The following ADGRG7 variants were observed in gnomAD, a reference collection of about 807,000 sequenced individuals.
ADGRG7 encodes the protein adhesion G protein-coupled receptor G7.
ADGRG7 carries 82 observed loss-of-function variants against 88.6 expected under a neutral mutation model. The observed-to-expected ratio is 0.93, with a 90% CI of 0.77 to 1.11. The LOEUF is 1.11. Ranked by LOEUF, ADGRG7 falls within the 50% of genes most tolerant of loss-of-function variation. The pLI is 0.00. For synonymous variants in ADGRG7, 381 were observed against 345.2 expected, an observed-to-expected ratio of 1.10 and a Z score of -1.15; for missense variants, 945 against 953.4, an observed-to-expected ratio of 0.99 and a Z score of 0.12.
At chr3:100,690,440 C>A (rs192369805) in intron 15 of ADGRG7, among the ~76,000 whole-genome samples, 62 of 152,162 alleles carry the variant, frequency 4.1e-4, no homozygotes, top group Non-Finnish European at 4.4e-5. Flanking sequence ...GGAGGAGAGG[C>A]GCTCTGATCT....
Position 100,609,826 on chromosome 3 carries a change from C to T in ADGRG7, c.-31C>T, listed in dbSNP as rs1215248724. On this transcript the variant is annotated 5_prime_UTR_variant, in exon 1 of 16. Coordinates refer to ENST00000273352, the MANE Select transcript of ADGRG7 (RefSeq NM_032787.3). Reference sequence around the variant, plus strand: ...AAGAAAAGAAGCTAGTTATTTCTCACCCAGGAGTGGATTTGTGGTTTGGCT... The same window carrying T: ...AAGAAAAGAAGCTAGTTATTTCTCATCCAGGAGTGGATTTGTGGTTTGGCT... 6 of 1,511,920 alleles carry T rather than the reference C, an allele frequency of 4.0e-6. No individual in the cohort carries two copies. Among genetic ancestry groups the T allele is most frequent in the South Asian group, 2.2e-5 (2 of 88,994 alleles). 93.7% of individuals were successfully genotyped at this position (1,511,920 alleles called of 1,614,324 possible). A position where few individuals can be genotyped will look rare whatever the true frequency, so the allele number is the denominator to read the frequency against.
intron 15 of ADGRG7, among the ~76,000 whole-genome samples, chr3:100,691,865 TCTC>T (rs1409296597): frequency 1.3e-5 from 2 of 152,134 alleles, no homozygotes; most frequent in Admixed American, 6.6e-5. Flanking sequence ...ACTCTTCTCA[TCTC>T]CTCAACTAGA....
Position 100,633,265 on chromosome 3 carries a change from C to A in ADGRG7, c.335C>A (p.Ala112Glu). 1 of 1,416,802 alleles carries A rather than the reference C, an allele frequency of 7.1e-7. No individual in the cohort carries two copies. The highest frequency in any genetic ancestry group is 9.3e-7 in the Non-Finnish European group (1 of 1,078,136). The allele number at this position is 1,416,802 out of a possible 1,614,324, so 87.8% of individuals were successfully genotyped here. The change falls in exon 4 of 16, where the codon GCG becomes GAG. Residue 112 changes from alanine to glutamate, a missense_variant and splice_region_variant. Coordinates refer to ENST00000273352, the MANE Select transcript of ADGRG7 (RefSeq NM_032787.3). ...LQTCGKDTPN[A>E]GNPMAVRLCS... ...AATAAAAAATTTCTTTGTATTAAAG[C>A]GGGCAATCCAATGGCAGTCCGGTTG...
intron 15 of ADGRG7, among the ~76,000 whole-genome samples, chr3:100,675,495 T>A (rs1196155196): frequency 1.3e-5 from 2 of 152,180 alleles, no homozygotes; most frequent in Non-Finnish European, 2.9e-5. Flanking sequence ...ATTTGGTTTT[T>A]TAGAATTTTG....
intron 1 of ADGRG7, among the ~76,000 whole-genome samples, chr3:100,623,896 C>G (rs760171833): frequency 1.8e-4 from 28 of 152,184 alleles, no homozygotes; most frequent in Non-Finnish European, 3.5e-4. Flanking sequence ...CTTTTTATGG[C>G]TGCATAGTAT....
chr3:100,690,695 C>T (rs964282460), intron 15 of ADGRG7, among the ~76,000 whole-genome samples: 3 of 152,186 alleles, frequency 2.0e-5, no homozygotes, highest in Non-Finnish European at 2.9e-5. Context: ...TATTGGTGAA[C>T]CGCAAATGCT....
At chr3:100,653,717 C>T (rs2094933173) in intron 11 of ADGRG7, among the ~76,000 whole-genome samples, 1 of 152,128 alleles carries the variant, frequency 6.6e-6, no homozygotes, top group Non-Finnish European at 1.5e-5. Flanking sequence ...CCAGAGTCAT[C>T]TGGAGGTTCA....
At chr3:100,638,474 G>A (rs900387016) in intron 6 of ADGRG7, among the ~76,000 whole-genome samples, 1 of 152,162 alleles carries the variant, frequency 6.6e-6, no homozygotes, top group Non-Finnish European at 1.5e-5. Flanking sequence ...AGCTGAGTCT[G>A]GGGTCTTTTT....
intron 15 of ADGRG7, among the ~76,000 whole-genome samples, chr3:100,683,601 C>T (rs1227555289): frequency 1.3e-5 from 2 of 152,192 alleles, no homozygotes; most frequent in African/African-American, 2.4e-5. Flanking sequence ...CACCCCTCAC[C>T]GCTCCACACC....
chr3:100,658,360 C>G (rs1344973214), intron 13 of ADGRG7, among the ~76,000 whole-genome samples: 1 of 152,134 alleles, frequency 6.6e-6, no homozygotes, highest in Non-Finnish European at 1.5e-5. Flanking sequence ...TTGTACCAAC[C>G]TTATATTTCC....
At chr3:100,693,773 T>A (rs561170928) in intron 15 of ADGRG7, among the ~76,000 whole-genome samples, 1 of 152,352 alleles carries the variant, frequency 6.6e-6, no homozygotes, top group African/African-American at 2.4e-5. Flanking sequence ...ACAGCCATAG[T>A]ATACTGTCAA....
Position 100,659,668 on chromosome 3 carries a change from A to ATTTTTTTTTT in ADGRG7, c.1824-19_1824-10dup. ...ATACCTTTCTTAGTCTGCTGAAGCA[A>ATTTTTTTTTT]TTTTTTTTTTCCTCCACAGCTGCTG... On this transcript the variant is annotated intron_variant, in intron 13 of 15. Coordinates refer to ENST00000273352, the MANE Select transcript of ADGRG7 (RefSeq NM_032787.3). 2 of 1,514,438 alleles carry ATTTTTTTTTT rather than the reference A, an allele frequency of 1.3e-6. No homozygotes were observed. The highest frequency in any genetic ancestry group is 9.0e-7 in the Non-Finnish European group (1 of 1,110,142). 93.8% of individuals were successfully genotyped at this position (1,514,438 alleles called of 1,614,324 possible).
intron 11 of ADGRG7, among the ~76,000 whole-genome samples, chr3:100,650,898 C>T (rs1225312744): frequency 6.6e-6 from 1 of 152,134 alleles, no homozygotes; most frequent in Non-Finnish European, 1.5e-5. Context: ...TATTTGTTTG[C>T]TATACTCTTT....
intron 1 of ADGRG7, among the ~76,000 whole-genome samples, chr3:100,621,060 G>A (rs1263971125): frequency 1.3e-5 from 2 of 151,874 alleles, no homozygotes; most frequent in Non-Finnish European, 2.9e-5. Flanking sequence ...CGTGAACCAC[G>A]TCCATGTAAA....
intron 15 of ADGRG7, among the ~76,000 whole-genome samples, chr3:100,679,024 C>A (rs1440742063): frequency 6.6e-6 from 1 of 152,214 alleles, no homozygotes; most frequent in African/African-American, 2.4e-5. Context: ...TCTAGCCAGG[C>A]TTGTTTCCTT....
intron 13 of ADGRG7, among the ~76,000 whole-genome samples, chr3:100,658,058 T>C (rs1202229769): frequency 6.6e-6 from 1 of 152,180 alleles, no homozygotes; most frequent in Non-Finnish European, 1.5e-5. Flanking sequence ...ACACCTCCAC[T>C]TGACTGTTTA....
chr3:100,621,353 G>C (rs1707309011), intron 1 of ADGRG7, among the ~76,000 whole-genome samples: 1 of 152,190 alleles, frequency 6.6e-6, no homozygotes, highest in African/African-American at 2.4e-5. Flanking sequence ...CAAACAGTTA[G>C]CCAAATTGTG....
rs191979142 is a variant in ADGRG7 at position 100,618,612 on chromosome 3, T to G, written c.115+8641T>G. On this transcript the variant is annotated intron_variant, in intron 1 of 15. Transcript: ENST00000273352. Reference sequence around the variant, plus strand: ...GGTACCAGTACCATGCTGTTTTGGTTACTGTAGCCTTGTAGTATAGTTTGA... The same window carrying G: ...GGTACCAGTACCATGCTGTTTTGGTGACTGTAGCCTTGTAGTATAGTTTGA... 1.2e-3 allele frequency among the ~76,000 whole-genome samples: 185 copies of G among 152,316 alleles called. 1 individual carries two copies. The highest frequency in any genetic ancestry group is 3.4e-3 in the Middle Eastern group (1 of 294).
chr3:100,668,864 T>A (rs1328533389), intron 14 of ADGRG7, 85 bp from the exon 15 acceptor site: 23 of 933,720 alleles, frequency 2.5e-5, no homozygotes, highest in Non-Finnish European at 2.9e-5. Flanking sequence ...CAGCTGAATA[T>A]ACATTCTAAA....
Sources: allele counts gnomAD v4.1 joint callset (sites outside exome capture counted in the v4.1 genomes callset), GRCh38; gene constraint gnomAD v4.1.1; transcripts MANE v1.5; gene names NCBI Gene and HGNC (gene_info 2026-07-23, HGNC 2026-07-21).